The following MGAT5 variants were observed in gnomAD, a reference collection of about 807,000 sequenced individuals.
The protein encoded by MGAT5 is alpha-1,6-mannosylglycoprotein 6-beta-N-acetylglucosaminyltransferase.
MGAT5 carries 30 observed loss-of-function variants against 94.3 expected under a neutral mutation model. The observed-to-expected ratio is 0.32, with a 90% CI of 0.24 to 0.43. The LOEUF is 0.43. Among genes scored for constraint, MGAT5 ranks in the 20% least tolerant of loss-of-function variants. MGAT5 has a pLI of 1.00. For missense variants in MGAT5, 691 were observed against 905.5 expected (o/e 0.76, Z 3.04); for synonymous variants, 310 against 322.9 (o/e 0.96, Z 0.43).
At chr2:134,286,183 A>G (rs1684989168) in intron 2 of MGAT5, among the ~76,000 whole-genome samples, 1 of 152,156 alleles carries the variant, frequency 6.6e-6, no homozygotes, top group Non-Finnish European at 1.5e-5. Flanking sequence ...CACAGATCAA[A>G]TAGTTTACCA....
At chr2:134,301,239 G>T (rs1457232436) in intron 2 of MGAT5, among the ~76,000 whole-genome samples, 6 of 152,134 alleles carry the variant, frequency 3.9e-5, no homozygotes, top group Non-Finnish European at 8.8e-5. Context: ...GTACTTTGTT[G>T]TATGAACATA....
chr2:134,122,523 T>TA (rs1346028641), intron 1 of MGAT5, among the ~76,000 whole-genome samples: 2 of 152,146 alleles, frequency 1.3e-5, no homozygotes. Flanking sequence ...TTGTCAGCCT[T>TA]ACCTGGAGAG....
At chr2:134,406,630 C>T (rs1329289699) in intron 11 of MGAT5, among the ~76,000 whole-genome samples, 3 of 151,990 alleles carry the variant, frequency 2.0e-5, no homozygotes, top group African/African-American at 7.3e-5. Flanking sequence ...CATCTGTAAT[C>T]TTAGCACTTT....
intron 1 of MGAT5, among the ~76,000 whole-genome samples, chr2:134,197,717 T>G (rs1041660230): frequency 1.3e-5 from 2 of 152,184 alleles, no homozygotes; most frequent in Non-Finnish European, 2.9e-5. Flanking sequence ...ACAAGACAGT[T>G]TAGTTTCCTT....
chr2:134,140,488 C>T (rs1365273112), intron 1 of MGAT5, among the ~76,000 whole-genome samples: 1 of 152,222 alleles, frequency 6.6e-6, no homozygotes, highest in Non-Finnish European at 1.5e-5. Flanking sequence ...AGATGTTATC[C>T]AGCGTGACTG....
intron 1 of MGAT5, among the ~76,000 whole-genome samples, chr2:134,135,711 A>AAAG (rs1686376946): frequency 6.6e-6 from 1 of 151,060 alleles, no homozygotes; most frequent in Non-Finnish European, 1.5e-5. Context: ...AAAAAAAAAA[A>AAAG]AAAGAAACCT....
At chr2:134,339,561 A>C (rs1332174730) in intron 6 of MGAT5, among the ~76,000 whole-genome samples, 1 of 152,176 alleles carries the variant, frequency 6.6e-6, no homozygotes, top group Non-Finnish European at 1.5e-5. Context: ...TTAAAATAGT[A>C]AATTTTATGT....
At chr2:134,309,523 C>T (rs1573761723) in intron 2 of MGAT5, among the ~76,000 whole-genome samples, 2 of 152,086 alleles carry the variant, frequency 1.3e-5, no homozygotes. Context: ...TGAAGTCGTA[C>T]CTCATTGTGC....
At chr2:134,427,371 A>G (rs761644617) in intron 13 of MGAT5, among the ~76,000 whole-genome samples, 1 of 152,176 alleles carries the variant, frequency 6.6e-6, no homozygotes, top group Non-Finnish European at 1.5e-5. Flanking sequence ...CACAGGCCTC[A>G]TAGTGTTGGC....
intron 15 of MGAT5, among the ~76,000 whole-genome samples, chr2:134,444,065 A>G (rs2106432532): frequency 6.6e-6 from 1 of 152,330 alleles, no homozygotes; most frequent in Middle Eastern, 3.4e-3. Flanking sequence ...GGAAGGAGAA[A>G]GAGCAAATGG....
intron 1 of MGAT5, chr2:134,120,425 G>T: frequency 3.0e-6 from 1 of 329,230 alleles, no homozygotes. Flanking sequence ...GGGTCGGCGC[G>T]GTCGGGGGCT....
intron 1 of MGAT5, among the ~76,000 whole-genome samples, chr2:134,167,065 A>T (rs1202417918): frequency 6.6e-6 from 1 of 152,244 alleles, no homozygotes; most frequent in Non-Finnish European, 1.5e-5. Context: ...CACATTATGG[A>T]AACTAACAGG....
At chr2:134,409,804 G>T (rs1203346229) in intron 11 of MGAT5, among the ~76,000 whole-genome samples, 1 of 152,140 alleles carries the variant, frequency 6.6e-6, no homozygotes, top group African/African-American at 2.4e-5. Context: ...TGGTTTTACT[G>T]GACCCTTTGT....
At chr2:134,191,954 C>T (rs13010478) in intron 1 of MGAT5, among the ~76,000 whole-genome samples, 32,520 of 149,024 alleles carry the variant, frequency 0.22, 4,209 homozygotes, top group Non-Finnish European at 0.31. Context: ...TGCCCTCCTT[C>T]TCCTCCTGCT....
At chr2:134,348,555 A>G (rs1679150942) in intron 8 of MGAT5, among the ~76,000 whole-genome samples, 3 of 152,174 alleles carry the variant, frequency 2.0e-5, no homozygotes, top group Admixed American at 2.0e-4. Flanking sequence ...CCCCTGAATC[A>G]TACATTGAAG....
chr2:134,250,397 GCAA>G (rs1682525548), upstream of MGAT5, among the ~76,000 whole-genome samples: 1 of 152,176 alleles, frequency 6.6e-6, no homozygotes, highest in African/African-American at 2.4e-5. Context: ...CTTAGCTCCA[GCAA>G]CAACTTCTTG....
intron 1 of MGAT5, among the ~76,000 whole-genome samples, chr2:134,161,568 C>T (rs1487999499): frequency 6.6e-6 from 1 of 152,162 alleles, no homozygotes; most frequent in African/African-American, 2.4e-5. Flanking sequence ...GGATTGTCTT[C>T]TGCTCTGACT....
At position 134,449,213 on chromosome 2, in the gene MGAT5, G is replaced by A; in HGVS notation, c.*366G>A. The A allele has an allele frequency of 1.1e-5, 2 of 176,786 alleles. No homozygotes were observed. Among genetic ancestry groups the A allele is most frequent in the South Asian group, 8.5e-5 (1 of 11,826 alleles). 11.0% of individuals were successfully genotyped at this position (176,786 alleles called of 1,614,324 possible). ...GCTGATGGGAAAGAACTCTGAATGG[G>A]AATATTCCTAAACCCATTAACTTAT... On this transcript the variant is annotated 3_prime_UTR_variant, in exon 16 of 16. Transcript: ENST00000281923.
intron 10 of MGAT5, among the ~76,000 whole-genome samples, chr2:134,391,842 G>A (rs1682432176): frequency 6.6e-6 from 1 of 152,208 alleles, no homozygotes; most frequent in African/African-American, 2.4e-5. Context: ...ATTATCTCAT[G>A]TGATCCTTTG....
Sources: allele counts gnomAD v4.1 joint callset (sites outside exome capture counted in the v4.1 genomes callset), GRCh38; gene constraint gnomAD v4.1.1; transcripts MANE v1.5; gene names NCBI Gene and HGNC (gene_info 2026-07-23, HGNC 2026-07-21).